ADAMTS3: variants seen among roughly 807,000 people sequenced by gnomAD.
The protein encoded by ADAMTS3 is A disintegrin and metalloproteinase with thrombospondin motifs 3.
Under a neutral mutation model 129.0 loss-of-function variants are expected in ADAMTS3, and 73 were observed. The observed-to-expected ratio is 0.57, with a 90% confidence interval of 0.47 to 0.69. The LOEUF is 0.69. ADAMTS3 is among the 30% of genes least tolerant of loss of function. ADAMTS3 has a pLI of 0.00. For synonymous variants in ADAMTS3, 477 were observed against 510.8 expected, an observed-to-expected ratio of 0.93 and a Z score of 0.89; for missense variants, 1,457 against 1,514.5, an observed-to-expected ratio of 0.96 and a Z score of 0.63.
chr4:72,336,191 C>G (rs1719983517), intron 5 of ADAMTS3, among the ~76,000 whole-genome samples: 1 of 152,208 alleles, frequency 6.6e-6, no homozygotes, highest in African/African-American at 2.4e-5. Flanking sequence ...GCATGATCTT[C>G]TCTCTACCAT....
intron 4 of ADAMTS3, among the ~76,000 whole-genome samples, chr4:72,412,752 C>T (rs1388893732): frequency 6.6e-6 from 1 of 151,970 alleles, no homozygotes; most frequent in Non-Finnish European, 1.5e-5. Flanking sequence ...GACAAAAGAA[C>T]TCCTTTTGCT....
At chr4:72,307,642 TGTAATA>T (rs1292376105) in intron 15 of ADAMTS3, among the ~76,000 whole-genome samples, 1 of 152,076 alleles carries the variant, frequency 6.6e-6, no homozygotes, top group African/African-American at 2.4e-5. Flanking sequence ...ACAATGCATT[TGTAATA>T]GATAATGCCA....
At chr4:72,438,563 T>C (rs1718030534) in intron 3 of ADAMTS3, among the ~76,000 whole-genome samples, 4 of 151,778 alleles carry the variant, frequency 2.6e-5, no homozygotes, top group Admixed American at 2.0e-4. Flanking sequence ...TGGGTTCTCC[T>C]AGCTGCTTTT....
intron 3 of ADAMTS3, among the ~76,000 whole-genome samples, chr4:72,527,183 TCTTA>T (rs1370066880): frequency 6.6e-6 from 1 of 152,144 alleles, no homozygotes; most frequent in African/African-American, 2.4e-5. Context: ...CTCCTTGTGC[TCTTA>T]CTTCTCAAAA....
intron 3 of ADAMTS3, among the ~76,000 whole-genome samples, chr4:72,419,396 T>C (rs181585735): frequency 2.0e-5 from 3 of 152,284 alleles, no homozygotes; most frequent in Non-Finnish European, 4.4e-5. Flanking sequence ...AATGAGGGAA[T>C]GAAGAGCTTT....
At chr4:72,373,431 C>T (rs1721062004) in intron 4 of ADAMTS3, among the ~76,000 whole-genome samples, 1 of 152,110 alleles carries the variant, frequency 6.6e-6, no homozygotes, top group African/African-American at 2.4e-5. Flanking sequence ...TACACTTATA[C>T]AATGGATTAC....
At chr4:72,528,205 TTC>T (rs1425168165) in intron 3 of ADAMTS3, among the ~76,000 whole-genome samples, 1 of 141,840 alleles carries the variant, frequency 7.1e-6, no homozygotes, top group Non-Finnish European at 1.6e-5. Context: ...CTTTTTTTAA[TTC>T]TCTCTTTAAA....
intron 3 of ADAMTS3, chr4:72,442,304 T>G (rs1199472917): frequency 6.6e-6 from 1 of 151,750 alleles, no homozygotes; most frequent in Non-Finnish European, 1.5e-5. Context: ...GACTAAATAA[T>G]TTATAAAGAA....
At chr4:72,382,999 C>A (rs1721333934) in intron 4 of ADAMTS3, among the ~76,000 whole-genome samples, 1 of 152,094 alleles carries the variant, frequency 6.6e-6, no homozygotes, top group South Asian at 2.1e-4. Context: ...TGTAACAAAC[C>A]TGCATATGCA....
intron 19 of ADAMTS3, among the ~76,000 whole-genome samples, chr4:72,293,387 A>G (rs2109775079): frequency 6.6e-6 from 1 of 152,212 alleles, no homozygotes; most frequent in East Asian, 1.9e-4. Flanking sequence ...TGTGAACCAG[A>G]CTTAACTGGA....
intron 3 of ADAMTS3, among the ~76,000 whole-genome samples, chr4:72,535,396 T>C (rs1293352361): frequency 6.6e-6 from 1 of 152,180 alleles, no homozygotes; most frequent in African/African-American, 2.4e-5. Context: ...AGCTCAGAAG[T>C]TGACTTTAAG....
chr4:72,414,988 A>G lies in ADAMTS3; in HGVS notation c.505-17T>C, dbSNP rs765000846. The G allele has an allele frequency of 3.5e-6, 5 of 1,440,542 alleles. No homozygotes were observed. Among genetic ancestry groups the G allele is most frequent in the Non-Finnish European group, 1.8e-6 (2 of 1,093,808 alleles). The allele number at this position is 1,440,542 out of a possible 1,614,324, so 89.2% of individuals were successfully genotyped here. ...CATTCCAGCCTAGAGAAAGCACAAA[A>G]TGTGTTAATTTAAAAAAGAAATATC... On this transcript the variant is annotated splice_polypyrimidine_tract_variant and intron_variant, in intron 3 of 21. Transcript: ENST00000286657.
intron 3 of ADAMTS3, among the ~76,000 whole-genome samples, chr4:72,463,773 T>C (rs1718842837): frequency 6.6e-6 from 1 of 150,672 alleles, no homozygotes; most frequent in Non-Finnish European, 1.5e-5. Context: ...TCACATCTAC[T>C]TCTTTCTTTA....
chr4:72,459,465 T>C (rs369307252), intron 3 of ADAMTS3, among the ~76,000 whole-genome samples: 2 of 151,724 alleles, frequency 1.3e-5, no homozygotes, highest in African/African-American at 4.8e-5. Flanking sequence ...CATAGAATCA[T>C]GATTAAGAGC....
intron 4 of ADAMTS3, among the ~76,000 whole-genome samples, chr4:72,368,011 A>T (rs576347080): frequency 6.6e-6 from 1 of 152,344 alleles, no homozygotes; most frequent in South Asian, 2.1e-4. Flanking sequence ...ATTTAGTAAC[A>T]TGAAAATATA....
intron 3 of ADAMTS3, among the ~76,000 whole-genome samples, chr4:72,479,441 G>T (rs956724833): frequency 2.4e-4 from 36 of 152,230 alleles, no homozygotes; most frequent in African/African-American, 8.4e-4. Flanking sequence ...CAAGCAATGG[G>T]GAAAGGATTC....
chr4:72,497,085 G>T lies in ADAMTS3; in HGVS notation c.504+51393C>A, dbSNP rs1719890833. Among the ~76,000 whole-genome samples the T allele has an allele frequency of 2.0e-5, 3 of 151,958 alleles. 1 individual carries two copies. In the South Asian group the frequency reaches 6.2e-4, roughly 31 times the overall value. ...GCACACTCTGCTTGTGTAAAGGGAA[G>T]TTATCAGATGTTTAATATATCCACT... On this transcript the variant is annotated intron_variant, in intron 3 of 21. Coordinates refer to ENST00000286657, the MANE Select transcript of ADAMTS3 (RefSeq NM_014243.3).
At chr4:72,475,057 T>G (rs971998573) in intron 3 of ADAMTS3, among the ~76,000 whole-genome samples, 14 of 150,052 alleles carry the variant, frequency 9.3e-5, no homozygotes, top group Admixed American at 2.0e-4. Context: ...ATTCTAAAAA[T>G]GTTTGCATAA....
At chr4:72,458,252 A>G (rs78722458) in intron 3 of ADAMTS3, among the ~76,000 whole-genome samples, 5,741 of 151,762 alleles carry the variant, frequency 0.038, 129 homozygotes, top group Non-Finnish European at 0.048. Flanking sequence ...TAGTAAGTTC[A>G]TAGCAGCCAA....
Sources: gnomAD v4.1 joint callset for allele counts (sites outside exome capture counted in the v4.1 genomes callset) on GRCh38, gnomAD v4.1.1 for gene constraint, MANE v1.5 for transcripts, NCBI Gene and HGNC (gene_info 2026-07-23, HGNC 2026-07-21) for gene names.